The following COL12A1 variants were observed in gnomAD, a reference collection of about 807,000 sequenced individuals.
The protein encoded by COL12A1 is collagen type XII alpha 1 chain, also known as collagen alpha-1(XII) chain.
In COL12A1, 114 loss-of-function variants were observed where a neutral mutation model predicts 349.7. The ratio of observed to expected loss-of-function variants is 0.33; its 90% CI spans 0.28 to 0.38. The LOEUF (loss-of-function observed/expected upper bound fraction) is 0.38. Among genes scored for constraint, COL12A1 ranks in the 10% least tolerant of loss-of-function variants. The pLI is 1.00. For missense variants in COL12A1, 3,284 were observed against 3,756.9 expected, an observed-to-expected ratio of 0.87 and a Z score of 3.29; for synonymous variants, 1,369 against 1,329.0, an observed-to-expected ratio of 1.03 and a Z score of -0.66.
At chr6:75,158,762 C>T (rs543435487) in intron 14 of COL12A1, among the ~76,000 whole-genome samples, 3 of 151,834 alleles carry the variant, frequency 2.0e-5, no homozygotes, top group Admixed American at 6.6e-5. Context: ...ATAATATTTA[C>T]AGCAGATTAG....
Position 75,128,357 on chromosome 6 carries a change from A to T in COL12A1, c.6279T>A (p.Ile2093=). Residue 2093 remains isoleucine (I), a synonymous_variant, in exon 38 of 66, where the codon ATT becomes ATA. Transcript: ENST00000322507. ...QPLQPDTPYK[I]TVIAVYEDGD... ...CATCTTCATAAACAGCAATAACAGT[A>T]ATTTTATATGGAGTGTCAGGTTGCA... The T allele has an allele frequency of 6.2e-7, 1 of 1,610,252 alleles. No individual in the cohort carries two copies. Among genetic ancestry groups the T allele is most frequent in the Non-Finnish European group, 8.5e-7 (1 of 1,178,216 alleles).
At chr6:75,093,715 T>C (rs996310257) in intron 60 of COL12A1, among the ~76,000 whole-genome samples, 1 of 152,208 alleles carries the variant, frequency 6.6e-6, no homozygotes, top group Non-Finnish European at 1.5e-5. Context: ...TTTACTGCTA[T>C]TTTGAGATTG....
At chr6:75,088,863 T>C (rs75122027) in intron 64 of COL12A1, among the ~76,000 whole-genome samples, 1 of 151,700 alleles carries the variant, frequency 6.6e-6, no homozygotes, top group Non-Finnish European at 1.5e-5. Context: ...TAGCCAGGCG[T>C]GGTGGCGGGC....
intron 14 of COL12A1, among the ~76,000 whole-genome samples, chr6:75,159,173 T>C (rs1178304483): frequency 1.3e-5 from 2 of 151,518 alleles, no homozygotes; most frequent in Non-Finnish European, 2.9e-5. Flanking sequence ...ATAAGAATGA[T>C]AAAGTAAGCA....
intron 43 of COL12A1, among the ~76,000 whole-genome samples, chr6:75,122,362 G>A (rs1393964920): frequency 6.6e-6 from 1 of 152,076 alleles, no homozygotes; most frequent in Non-Finnish European, 1.5e-5. Context: ...TAGGTTCATC[G>A]GTTGTAACAA....
In COL12A1 at chr6:75,121,282, A is replaced by T. The variant is rs763688186; in HGVS notation, c.7086+20T>A. 7.7e-6 allele frequency: 12 copies of T among 1,555,252 alleles called. No homozygotes were observed. The highest frequency in any genetic ancestry group is 1.4e-5 in the African/African-American group (1 of 73,646). ...GGCAAGACATCACAAATGAGTAGCC[A>T]CTGGCGGAATGACACTAACCTGAAT... is the stretch of plus-strand genomic sequence containing the variant. On this transcript the variant is annotated intron_variant, in intron 44 of 65. Transcript: ENST00000322507.
intron 2 of COL12A1, among the ~76,000 whole-genome samples, chr6:75,201,177 G>A (rs1486337534): frequency 6.6e-6 from 1 of 151,990 alleles, no homozygotes; most frequent in Non-Finnish European, 1.5e-5. Flanking sequence ...TTCTTAATGA[G>A]CAATAAATGG....
At chr6:75,108,392 T>C (rs953206648) in intron 52 of COL12A1, among the ~76,000 whole-genome samples, 1 of 152,172 alleles carries the variant, frequency 6.6e-6, no homozygotes, top group Admixed American at 6.6e-5. Context: ...CTGGCTTTGA[T>C]TGACATTTAA....
At chr6:75,174,379 AC>A (rs1200561030) in intron 13 of COL12A1, among the ~76,000 whole-genome samples, 1 of 151,940 alleles carries the variant, frequency 6.6e-6, no homozygotes, top group Non-Finnish European at 1.5e-5. Flanking sequence ...ACATGGTGAA[AC>A]CCCGTCCCTA....
At chr6:75,109,506 G>A (rs1365397463) in intron 51 of COL12A1, among the ~76,000 whole-genome samples, 1 of 152,082 alleles carries the variant, frequency 6.6e-6, no homozygotes. Context: ...CCAAGTAGAG[G>A]TTAATAAATC....
intron 45 of COL12A1, 80 bp downstream of exon 45, chr6:75,119,270 T>C: frequency 6.2e-7 from 1 of 1,608,740 alleles, no homozygotes; most frequent in Non-Finnish European, 8.5e-7. Flanking sequence ...CTGATAAGAA[T>C]CTGGATATCA....
chr6:75,192,161 C>A, intron 4 of COL12A1, 51 bp downstream of exon 4: 1 of 1,365,926 alleles, frequency 7.3e-7, no homozygotes, highest in South Asian at 1.6e-5. Flanking sequence ...TTGGAAAAAC[C>A]TTCTGCAAAA....
intron 11 of COL12A1, 64 bp downstream of exon 11, chr6:75,180,875 T>C: frequency 6.5e-7 from 1 of 1,547,394 alleles, no homozygotes; most frequent in South Asian, 1.2e-5. Flanking sequence ...TATTACAAAC[T>C]GTAACTTTGT....
Position 75,156,413 on chromosome 6 carries a change from G to A in COL12A1, c.3094C>T (p.Pro1032Ser), listed in dbSNP as rs1476021634. 6.2e-7 allele frequency: 1 copy of A among 1,613,936 alleles called. No homozygotes were observed. Among genetic ancestry groups the A allele is most frequent in the Non-Finnish European group, 8.5e-7 (1 of 1,179,930 alleles). The change falls in exon 15 of 66, where the codon CCT becomes TCT. Residue 1032 changes from proline (P) to serine (S), a missense_variant. Transcript: ENST00000322507. The part of the protein sequence containing the change: ...KVVNYRVVYR[P>S]HGRGKQMVAK... The stretch of plus-strand genomic sequence containing the variant: ...ACCATTTGCTTCCCTCTCCCATGAG[G>A]GCGATAGACAACACGGTAGTTGACG...
intron 53 of COL12A1, among the ~76,000 whole-genome samples, chr6:75,105,921 C>CTCT (rs578003047): frequency 4.6e-5 from 7 of 152,284 alleles, no homozygotes; most frequent in Admixed American, 4.6e-4. Flanking sequence ...ATAATGCACA[C>CTCT]TCTTCCTGTG....
rs1767308287 is a variant in COL12A1, at chr6:75,148,385, A to G, written c.4260T>C (p.Tyr1420=). The G allele has an allele frequency of 6.2e-7, 1 of 1,612,702 alleles. No individual in the cohort carries two copies. Among genetic ancestry groups the G allele is most frequent in the Non-Finnish European group, 8.5e-7 (1 of 1,179,306 alleles). The change falls in exon 22 of 66, where the codon TAT becomes TAC. Residue 1420 remains tyrosine (Y), a synonymous_variant. Coordinates refer to ENST00000322507, the MANE Select transcript of COL12A1 (RefSeq NM_004370.6). ...CTTGACGTTTCCCTCCAGAAACTGG[A>G]TAGTATTCCACCTTATATCGATCCA... ...DSVDRYKVEY[Y]PVSGGKRQEF...
intron 26 of COL12A1, among the ~76,000 whole-genome samples, chr6:75,142,620 C>T (rs1425494663): frequency 1.3e-5 from 2 of 152,182 alleles, no homozygotes; most frequent in East Asian, 3.9e-4. Flanking sequence ...AAATGACCAG[C>T]AGAACCAGTC....
chr6:75,125,263 C>T lies in COL12A1; in HGVS notation c.6471G>A (p.Glu2157=), dbSNP rs748734249. 3.7e-6 allele frequency: 6 copies of T among 1,601,966 alleles called. No homozygotes were observed. Among genetic ancestry groups the T allele is most frequent in the African/African-American group, 1.3e-5 (1 of 74,454 alleles). Residue 2157 remains glutamate (E), a synonymous_variant, in exon 40 of 66, where the codon GAG becomes GAA. Transcript: ENST00000322507. ...KIVYKPVGSN[E]PMEAFVGEMT... The stretch of plus-strand genomic sequence containing the variant: ...TTTCTCCAACAAAGGCTTCCATGGG[C>T]TCATTGGAACCTTTATTAACAACCA...
intron 58 of COL12A1, among the ~76,000 whole-genome samples, chr6:75,098,780 C>G (rs144815751): frequency 6.6e-6 from 1 of 152,176 alleles, no homozygotes; most frequent in African/African-American, 2.4e-5. Context: ...CACACAAAGG[C>G]CAGAACTGCC....
Sources: allele counts gnomAD v4.1 joint callset (sites outside exome capture counted in the v4.1 genomes callset), GRCh38; gene constraint gnomAD v4.1.1; transcripts MANE v1.5; gene names NCBI Gene and HGNC (gene_info 2026-07-23, HGNC 2026-07-21).